ADAMTS17: variants seen among roughly 807,000 people sequenced by gnomAD.
The protein encoded by ADAMTS17 is ADAM metallopeptidase with thrombospondin type 1 motif 17.
In ADAMTS17, 113 loss-of-function variants were observed where a neutral mutation model predicts 141.5. The observed-to-expected ratio is 0.80, with a 90% CI of 0.69 to 0.93. The LOEUF is 0.93. ADAMTS17 is among the 40% of genes least tolerant of loss of function. The probability of loss-of-function intolerance (pLI) is 0.00; values close to 1 mark genes in which losing one functional copy is unlikely to be tolerated. For missense variants in ADAMTS17, 1,659 were observed against 1,517.9 expected (o/e 1.09, Z -1.54); for synonymous variants, 768 against 630.6 (o/e 1.22, Z -3.27).
intron 8 of ADAMTS17, among the ~76,000 whole-genome samples, chr15:100,155,559 A>G (rs1407002662): frequency 2.0e-5 from 3 of 152,372 alleles, no homozygotes; most frequent in Admixed American, 1.3e-4. Context: ...CATTCACTAA[A>G]TAACAATAAA....
intron 15 of ADAMTS17, among the ~76,000 whole-genome samples, chr15:100,088,322 C>T (rs1243472353): frequency 6.6e-6 from 1 of 152,104 alleles, no homozygotes. Context: ...CAAACCACTG[C>T]TCAATGAAAT....
At chr15:100,250,400 C>T (rs1212732864) in intron 7 of ADAMTS17, among the ~76,000 whole-genome samples, 1 of 152,192 alleles carries the variant, frequency 6.6e-6, no homozygotes, top group Admixed American at 6.5e-5. Context: ...TTCAAAATCT[C>T]TTAGCATTGG....
At chr15:100,181,400 C>T (rs1260213954) in intron 8 of ADAMTS17, among the ~76,000 whole-genome samples, 2 of 152,172 alleles carry the variant, frequency 1.3e-5, no homozygotes, top group African/African-American at 4.8e-5. Flanking sequence ...CCATAGCCAC[C>T]ACAGATGGAA....
At chr15:99,996,826 A>G (rs994408426) in intron 19 of ADAMTS17, among the ~76,000 whole-genome samples, 5 of 152,186 alleles carry the variant, frequency 3.3e-5, no homozygotes, top group South Asian at 2.1e-4. Flanking sequence ...CACAAAGTCA[A>G]TGCAAAGCCC....
chr15:100,208,112 G>A lies in ADAMTS17; in HGVS notation c.1076-8689C>T, dbSNP rs77163104. ...CTGGAAGCTTCCAGGTCTGTTGCAAGCCTCACCTGGTACACAGTAGGCTCT... is the reference window on the plus strand; with the variant it reads ...CTGGAAGCTTCCAGGTCTGTTGCAAACCTCACCTGGTACACAGTAGGCTCT... On this transcript the variant is annotated intron_variant, in intron 7 of 21. Coordinates refer to ENST00000268070, the MANE Select transcript of ADAMTS17 (RefSeq NM_139057.4). 7.0e-3 allele frequency among the ~76,000 whole-genome samples: 1,062 copies of A among 152,164 alleles called. 11 individuals are homozygous for A. Among genetic ancestry groups the A allele is most frequent in the African/African-American group, 0.02 (833 of 41,554 alleles).
intron 7 of ADAMTS17, among the ~76,000 whole-genome samples, chr15:100,207,579 G>A (rs1202524029): frequency 6.6e-6 from 1 of 152,188 alleles, no homozygotes; most frequent in Non-Finnish European, 1.5e-5. Flanking sequence ...TAATAACAAG[G>A]AACTGATCTG....
At chr15:100,127,905 T>C (rs1002764019) in intron 12 of ADAMTS17, among the ~76,000 whole-genome samples, 2 of 151,782 alleles carry the variant, frequency 1.3e-5, no homozygotes, top group African/African-American at 4.8e-5. Flanking sequence ...TTTTTTTTTT[T>C]CTGTACAATG....
At chr15:100,197,206 G>A (rs147536807) in intron 8 of ADAMTS17, among the ~76,000 whole-genome samples, 130 of 152,306 alleles carry the variant, frequency 8.5e-4, no homozygotes, top group African/African-American at 2.8e-3. Flanking sequence ...GCATGTGTGC[G>A]CCCACACGTA....
intron 15 of ADAMTS17, among the ~76,000 whole-genome samples, chr15:100,060,799 G>C (rs905328393): frequency 6.6e-6 from 1 of 152,264 alleles, no homozygotes; most frequent in African/African-American, 2.4e-5. Flanking sequence ...GTGGGCTGAA[G>C]GTAGGTGGGG....
intron 10 of ADAMTS17, among the ~76,000 whole-genome samples, chr15:100,146,095 C>T (rs947396710): frequency 2.6e-5 from 4 of 152,214 alleles, no homozygotes; most frequent in African/African-American, 9.7e-5. Flanking sequence ...ATCACTTGAA[C>T]CTGGGAGGTG....
intron 15 of ADAMTS17, among the ~76,000 whole-genome samples, chr15:100,088,794 A>C (rs1017183599): frequency 1.3e-4 from 20 of 152,362 alleles, no homozygotes; most frequent in African/African-American, 4.8e-4. Flanking sequence ...CATATGTAGA[A>C]AGCTGAAACT....
intron 8 of ADAMTS17, among the ~76,000 whole-genome samples, chr15:100,196,670 A>T (rs141752860): frequency 4.6e-5 from 7 of 152,378 alleles, no homozygotes; most frequent in African/African-American, 1.4e-4. Context: ...AAATGGCTCC[A>T]CTGTATTCCA....
At chr15:100,078,156 T>C (rs1262311887) in intron 15 of ADAMTS17, among the ~76,000 whole-genome samples, 1 of 151,736 alleles carries the variant, frequency 6.6e-6, no homozygotes. Flanking sequence ...TTGTAAAAAA[T>C]GTAACTGCTT....
intron 12 of ADAMTS17, among the ~76,000 whole-genome samples, chr15:100,124,524 G>A (rs552967782): frequency 9.8e-5 from 15 of 152,300 alleles, no homozygotes; most frequent in East Asian, 9.7e-4. Flanking sequence ...CCCCAGCCAC[G>A]GCAATGGAGA....
At chr15:100,255,593 C>G (rs1466840958) in intron 6 of ADAMTS17, among the ~76,000 whole-genome samples, 1 of 96,974 alleles carries the variant, frequency 1.0e-5, no homozygotes, top group East Asian at 2.6e-4. Flanking sequence ...ATTCAGCACC[C>G]TTCCCAATTC....
chr15:100,109,115 A>G lies in ADAMTS17; in HGVS notation c.1890T>C (p.Asp630=). 2 of 1,611,002 alleles carry G rather than the reference A, an allele frequency of 1.2e-6. No homozygotes were observed. Among genetic ancestry groups the G allele is most frequent in the South Asian group, 2.2e-5 (2 of 90,738 alleles). ...GCGAGCAGTAGAGTTCACATGGCTT[A>G]TCTGAGGAGGGAAAGGTTGGAGGAC... ...KGLLTAVVVD[D]KPCELYCSPL... The change falls in exon 14 of 22, where the codon GAT becomes GAC. Residue 630 remains aspartate, a splice_region_variant and synonymous_variant. Transcript: ENST00000268070.
intron 7 of ADAMTS17, among the ~76,000 whole-genome samples, chr15:100,238,458 A>G (rs562695798): frequency 1.3e-5 from 2 of 152,372 alleles, no homozygotes; most frequent in East Asian, 1.9e-4. Context: ...TAGGCACTCA[A>G]TAGAGTTTTA....
chr15:99,997,310 C>A lies in ADAMTS17; in HGVS notation c.2796+75G>T. The A allele has an allele frequency of 6.4e-7, 1 of 1,560,652 alleles. No individual in the cohort carries two copies. The highest frequency in any genetic ancestry group is 8.8e-7 in the Non-Finnish European group (1 of 1,135,240). ...GGGGCGAGCGAGGGCTGGGAGGCAC[C>A]AGAATGTCACCAATACCATGGCACC... On this transcript the variant is annotated intron_variant, in intron 19 of 21. Transcript: ENST00000268070. The surrounding 1 kb of genome is among the most constrained non-coding windows in gnomAD (Gnocchi z 4.7).
chr15:100,254,078 T>A, intron 7 of ADAMTS17, 58 bp downstream of exon 7: 11 of 1,547,790 alleles, frequency 7.1e-6, no homozygotes, highest in Non-Finnish European at 9.8e-6. Context: ...CCAGGAAGTC[T>A]CCAGATTCTC....
Sources: allele counts gnomAD v4.1 joint callset (sites outside exome capture counted in the v4.1 genomes callset), GRCh38; gene constraint gnomAD v4.1.1; non-coding constraint Gnocchi (gnomAD v3.1); transcripts MANE v1.5; gene names NCBI Gene and HGNC (gene_info 2026-07-23, HGNC 2026-07-21).